RABGEF1: variants seen among roughly 807,000 people sequenced by gnomAD.
RABGEF1 encodes the protein RAB guanine nucleotide exchange factor 1.
A neutral mutation model predicts 57.3 loss-of-function variants in RABGEF1; 26 were observed. The observed-to-expected ratio is 0.45, with a 90% CI of 0.33 to 0.63. The LOEUF is 0.63. RABGEF1 is among the 20% of genes least tolerant of loss of function. The pLI is 0.02. For synonymous variants in RABGEF1, 185 were observed against 210.7 expected (o/e 0.88, Z 1.06); for missense variants, 464 against 607.6 (o/e 0.76, Z 2.48).
At chr7:66,733,221 CA>C in intron 2 of RABGEF1, among the ~76,000 whole-genome samples, 2 of 152,248 alleles carry the variant, frequency 1.3e-5, no homozygotes, top group Middle Eastern at 6.8e-3. Context: ...AAGATTTGGC[CA>C]AAACATCCCC....
chr7:66,670,684 A>G, the RABGEF1 span, among the ~76,000 whole-genome samples: 1 of 151,948 alleles, frequency 6.6e-6, no homozygotes, highest in East Asian at 1.9e-4. Context: ...CATCTCTACT[A>G]AAAATACAAA....
chr7:66,774,145 T>C (rs1052296736), intron 2 of RABGEF1, among the ~76,000 whole-genome samples: 1 of 152,262 alleles, frequency 6.6e-6, no homozygotes, highest in African/African-American at 2.4e-5. Context: ...TTGATTTCTC[T>C]TTTATCTCCC....
chr7:66,785,159 AT>A lies in RABGEF1; in HGVS notation c.513+1319del, dbSNP rs1280805961. ...CTGTAATAATTTAGTAGACTTCTAAATGAGTATACTAAAGTAAAGAGGTAAT... is the reference window on the plus strand; with the variant it reads ...CTGTAATAATTTAGTAGACTTCTAAAGAGTATACTAAAGTAAAGAGGTAAT... On this transcript the variant is annotated intron_variant, in intron 4 of 8. Transcript: ENST00000284957. 3.3e-5 allele frequency among the ~76,000 whole-genome samples: 5 copies of A among 152,338 alleles called. No individual in the cohort carries two copies. The East Asian group carries it at 9.6e-4, about 29-fold the overall frequency.
At chr7:66,659,950 A>C in the RABGEF1 span, among the ~76,000 whole-genome samples, 1 of 151,978 alleles carries the variant, frequency 6.6e-6, no homozygotes, top group Non-Finnish European at 1.5e-5. Context: ...GAGAATAGAT[A>C]AAATTAAAAG....
chr7:66,667,730 C>CT, the RABGEF1 span: 25 of 152,284 alleles, frequency 1.6e-4, no homozygotes, highest in Admixed American at 9.2e-4. Flanking sequence ...TCCCTGGAGT[C>CT]TCCTCTCACC....
At chr7:66,757,462 G>T (rs1583786336) in intron 1 of RABGEF1, among the ~76,000 whole-genome samples, 1 of 152,008 alleles carries the variant, frequency 6.6e-6, no homozygotes, top group Non-Finnish European at 1.5e-5. Context: ...ACTAAGCTCC[G>T]CAATGACTGA....
At chr7:66,779,075 A>T (rs1809241545) in intron 3 of RABGEF1, among the ~76,000 whole-genome samples, 1 of 152,172 alleles carries the variant, frequency 6.6e-6, no homozygotes, top group African/African-American at 2.4e-5. Context: ...AGATCGTGCC[A>T]CTCCAGCCTG....
At chr7:66,670,689 T>C in the RABGEF1 span, among the ~76,000 whole-genome samples, 1 of 151,764 alleles carries the variant, frequency 6.6e-6, no homozygotes, top group South Asian at 2.1e-4. Flanking sequence ...CTACTAAAAA[T>C]ACAAAAGTTA....
At chr7:66,739,724 C>T (rs184100089), upstream of RABGEF1, 4 of 150,774 alleles carry the variant, frequency 2.7e-5, no homozygotes, top group Admixed American at 6.6e-5. Context: ...AACACTACAG[C>T]GACAATTAGC....
At chr7:66,780,889 C>T (rs1032486007) in intron 3 of RABGEF1, among the ~76,000 whole-genome samples, 5 of 151,942 alleles carry the variant, frequency 3.3e-5, no homozygotes, top group African/African-American at 1.2e-4. Flanking sequence ...TCAGAGTATG[C>T]TTTTCCTTTC....
intron 1 of RABGEF1, chr7:66,755,766 T>C (rs562626059): frequency 1.5e-4 from 43 of 280,994 alleles, no homozygotes; most frequent in Non-Finnish European, 2.5e-4. Flanking sequence ...GAGAGCGTGA[T>C]CTAGTACAAT....
At chr7:66,763,750 A>G (rs951686258) in intron 1 of RABGEF1, among the ~76,000 whole-genome samples, 3 of 152,226 alleles carry the variant, frequency 2.0e-5, no homozygotes, top group African/African-American at 7.2e-5. Flanking sequence ...GTGGTGTTCT[A>G]TAACTGGCAT....
intron 1 of RABGEF1, among the ~76,000 whole-genome samples, chr7:66,748,288 C>T (rs1352810728): frequency 2.6e-5 from 4 of 152,146 alleles, no homozygotes; most frequent in Non-Finnish European, 5.9e-5. Context: ...GTACTTAGAT[C>T]TCTAGGCTGA....
chr7:66,777,271 A>G (rs1230567275), intron 3 of RABGEF1, among the ~76,000 whole-genome samples: 2 of 152,188 alleles, frequency 1.3e-5, no homozygotes, highest in Non-Finnish European at 2.9e-5. Context: ...TATCAGCTCC[A>G]ATAGCCTCAT....
intron 1 of RABGEF1, among the ~76,000 whole-genome samples, chr7:66,690,268 T>C (rs1407622534): frequency 6.6e-6 from 1 of 151,418 alleles, no homozygotes; most frequent in African/African-American, 2.4e-5. Context: ...ACCCGGCTAA[T>C]TTTTGTATTT....
At chr7:66,732,198 G>A (rs1197727249) in intron 2 of RABGEF1, among the ~76,000 whole-genome samples, 1 of 152,222 alleles carries the variant, frequency 6.6e-6, no homozygotes, top group South Asian at 2.1e-4. Flanking sequence ...GGTGCCTGGA[G>A]CACCGTCCAT....
In RABGEF1 at chr7:66,772,422, G is replaced by A. The variant is rs550546332; in HGVS notation, c.179+344G>A. 5.3e-5 allele frequency among the ~76,000 whole-genome samples: 8 copies of A among 152,110 alleles called. No homozygotes were observed. In the South Asian group the frequency reaches 1.5e-3, roughly 28 times the overall value. On this transcript the variant is annotated intron_variant, in intron 2 of 8. Coordinates refer to ENST00000284957, the MANE Select transcript of RABGEF1 (RefSeq NM_014504.3). Reference sequence around the variant, plus strand: ...ATTTGACGTACCCACTGCAGGGCTTGGAAATGGCACTCATCAAGCATTATT... The same window carrying A: ...ATTTGACGTACCCACTGCAGGGCTTAGAAATGGCACTCATCAAGCATTATT...
intron 2 of RABGEF1, among the ~76,000 whole-genome samples, chr7:66,713,020 G>A (rs1794949452): frequency 6.6e-6 from 1 of 150,996 alleles, no homozygotes; most frequent in South Asian, 2.1e-4. Context: ...TTGCTTTGTT[G>A]ATAGGGCTGG....
intron 2 of RABGEF1, among the ~76,000 whole-genome samples, chr7:66,717,127 GTTAT>G (rs1795501145): frequency 1.3e-5 from 2 of 152,054 alleles, no homozygotes; most frequent in African/African-American, 2.4e-5. Flanking sequence ...CTTCTTTTGG[GTTAT>G]TTGACTATTG....
Sources: gnomAD v4.1 joint callset for allele counts (sites outside exome capture counted in the v4.1 genomes callset) on GRCh38, gnomAD v4.1.1 for gene constraint, MANE v1.5 for transcripts, NCBI Gene and HGNC (gene_info 2026-07-23, HGNC 2026-07-21) for gene names.